The following SMARCA1 variants were observed in gnomAD, a reference collection of about 807,000 sequenced individuals.
SMARCA1 encodes the protein SNF2 related chromatin remodeling ATPase 1.
SMARCA1 carries 17 observed loss-of-function variants against 93.6 expected under a neutral mutation model. That is an observed-to-expected ratio of 0.18 (90% CI 0.12 to 0.27). The LOEUF (loss-of-function observed/expected upper bound fraction) is 0.27, where lower values mean the gene tolerates loss of function less well. SMARCA1 is among the 10% of genes least tolerant of loss of function. The pLI is 1.00. For missense variants in SMARCA1, 630 were observed against 819.0 expected, an observed-to-expected ratio of 0.77 and a Z score of 2.82; for synonymous variants, 271 against 271.4, an observed-to-expected ratio of 1.00 and a Z score of 0.01.
chrX:129,448,514 A>G, intron 23 of SMARCA1, 71 bp from the exon 24 acceptor site: 2 of 936,659 alleles, frequency 2.1e-6, no homozygotes, highest in South Asian at 4.2e-5. Flanking sequence ...ACAACTATTT[A>G]ACTGTATGAT....
intron 19 of SMARCA1, among the ~76,000 whole-genome samples, chrX:129,474,574 C>T (rs570568257): frequency 3.6e-5 from 4 of 112,002 alleles, no homozygotes; most frequent in Non-Finnish European, 5.6e-5. Flanking sequence ...GAATCCACTG[C>T]AATTTATTCT....
At chrX:129,478,948 G>A (rs767441439) in intron 19 of SMARCA1, among the ~76,000 whole-genome samples, 18 of 111,554 alleles carry the variant, frequency 1.6e-4, no homozygotes, top group Admixed American at 1.1e-3. Context: ...GAAACTGGTT[G>A]TGAGACCAGG....
chrX:129,522,433 T>A (rs1447992212), intron 1 of SMARCA1, among the ~76,000 whole-genome samples: 2 of 99,598 alleles, frequency 2.0e-5, no homozygotes, highest in African/African-American at 7.5e-5. Flanking sequence ...GGCCCTGGAG[T>A]GAAACCCTAT....
At chrX:129,501,495 C>T (rs1283156857) in intron 9 of SMARCA1, among the ~76,000 whole-genome samples, 1 of 108,896 alleles carries the variant, frequency 9.2e-6, no homozygotes, top group African/African-American at 3.3e-5. Context: ...GAGGTTTCAC[C>T]ATGTTGCCCA....
intron 20 of SMARCA1, among the ~76,000 whole-genome samples, chrX:129,470,414 A>T (rs1309793483): frequency 9.0e-6 from 1 of 111,017 alleles, no homozygotes; most frequent in Non-Finnish European, 1.9e-5. Flanking sequence ...ATAATAATAA[A>T]AGCTTCAGAA....
intron 17 of SMARCA1, among the ~76,000 whole-genome samples, chrX:129,485,259 T>C (rs765034710): frequency 2.7e-5 from 3 of 112,397 alleles, no homozygotes; most frequent in African/African-American, 9.7e-5. Flanking sequence ...GTGCCCAGGA[T>C]GGGGGAAACA....
chrX:129,457,074 T>C (rs74911532), intron 23 of SMARCA1, among the ~76,000 whole-genome samples: 2 of 111,322 alleles, frequency 1.8e-5, no homozygotes, highest in East Asian at 5.6e-4. Flanking sequence ...TCTGAAGAAA[T>C]TGCCACAGCC....
In SMARCA1 at chrX:129,489,070, T is replaced by C. The variant is rs758713841; in HGVS notation, c.1964A>G (p.Gln655Arg). ...CTCTTTTGCCAGCTTGTTAGACTGT[T>C]GGTCAATGAGTCTTCCTAATGATAA... ...IVIQQGRLID[Q>R]QSNKLAKEEM... The change falls in exon 16 of 25, where the codon CAA (glutamine) becomes CGA (arginine). Residue 655 changes from glutamine to arginine, a missense_variant. This residue lies in a region of SMARCA1 where 382 missense variants were observed against 537.9 expected (regional missense o/e 0.71). Coordinates refer to ENST00000371121, the MANE Select transcript of SMARCA1 (RefSeq NM_001282874.2). 1 of 1,181,203 alleles carries C rather than the reference T, an allele frequency of 8.5e-7. No homozygotes were observed. The highest frequency in any genetic ancestry group is 3.0e-5 in the East Asian group (1 of 33,643).
At chrX:129,490,716 G>C (rs943234543) in intron 14 of SMARCA1, among the ~76,000 whole-genome samples, 2 of 111,205 alleles carry the variant, frequency 1.8e-5, no homozygotes, top group African/African-American at 6.5e-5. Context: ...CGAACTTCTA[G>C]TGGTATAAAA....
chrX:129,464,712 G>C (rs150325139), intron 23 of SMARCA1, among the ~76,000 whole-genome samples: 2 of 112,214 alleles, frequency 1.8e-5, no homozygotes, highest in East Asian at 5.6e-4. Flanking sequence ...AATTACAAAG[G>C]GGAAAACATA....
intron 9 of SMARCA1, among the ~76,000 whole-genome samples, chrX:129,502,849 AAT>A (rs1934619466): frequency 9.0e-6 from 1 of 111,711 alleles, no homozygotes; most frequent in Non-Finnish European, 1.9e-5. Context: ...AAAGATAGAA[AAT>A]ATAGTCAATT....
chrX:129,457,761 T>C (rs1476773434), intron 23 of SMARCA1, among the ~76,000 whole-genome samples: 1 of 112,040 alleles, frequency 8.9e-6, no homozygotes, highest in East Asian at 2.8e-4. Flanking sequence ...TTTCCAAAAA[T>C]TGGTTGTAGG....
rs773042691 is a variant in SMARCA1 at position 129,490,156 on chromosome X, G to A, written c.1852C>T (p.Arg618Cys). 5 of 1,190,375 alleles carry A rather than the reference G, an allele frequency of 4.2e-6. No individual in the cohort carries two copies. Among genetic ancestry groups the A allele is most frequent in the South Asian group, 3.6e-5 (2 of 55,947 alleles). The part of the protein sequence containing the change: ...AHRIGQKKPV[R>C]VFRLITDNTV... The stretch of plus-strand genomic sequence containing the variant: ...TTGTCAGTGATGAGACGGAATACAC[G>A]TACTGGTTTCTTCTGACCAATACGA... The change falls in exon 15 of 25, where the codon CGT becomes TGT. Residue 618 changes from arginine to cysteine, a missense_variant. By Grantham distance (180) the Arg-to-Cys change is radical. Around this residue, in one of 4 missense-constraint regions of SMARCA1, gnomAD observed 382 missense variants for 537.9 expected, o/e 0.71. Coordinates refer to ENST00000371121, the MANE Select transcript of SMARCA1 (RefSeq NM_001282874.2).
At chrX:129,452,034 C>T (rs930485751) in intron 23 of SMARCA1, among the ~76,000 whole-genome samples, 1 of 111,708 alleles carries the variant, frequency 9.0e-6, no homozygotes, top group Admixed American at 9.5e-5. Flanking sequence ...TTCATGACTG[C>T]CTAACGCAAC....
At chrX:129,511,742 G>T in intron 6 of SMARCA1, 62 bp downstream of exon 6, 2 of 918,341 alleles carry the variant, frequency 2.2e-6, no homozygotes, top group Non-Finnish European at 3.0e-6. Context: ...GCAATAATAT[G>T]TAACTAAACT....
Position 129,516,336 on chromosome X carries a change from A to G in SMARCA1, c.423T>C (p.Ala141=), listed in dbSNP as rs149729185. The change falls in exon 3 of 25, where the codon GCT becomes GCC. Residue 141 remains alanine, a synonymous_variant. Coordinates refer to ENST00000371121, the MANE Select transcript of SMARCA1 (RefSeq NM_001282874.2). ...AGAGAGAGGTGCCAACATACTCTCC[A>G]GCAGAAATTAAGCTCTGCTTTTCAT... The part of the protein sequence containing the change: ...KKDEKQSLIS[A]GDYRHRRTEQ... 1.2e-5 allele frequency: 15 copies of G among 1,206,154 alleles called. No individual in the cohort carries two copies. Among genetic ancestry groups the G allele is most frequent in the Non-Finnish European group, 1.7e-5 (15 of 893,165 alleles).
intron 5 of SMARCA1, among the ~76,000 whole-genome samples, chrX:129,512,789 C>T (rs1157875395): frequency 9.0e-6 from 1 of 111,489 alleles, no homozygotes; most frequent in Non-Finnish European, 1.9e-5. Flanking sequence ...TGTTTATACT[C>T]CTTAACCCAG....
At chrX:129,452,442 G>A (rs1026920545) in intron 23 of SMARCA1, among the ~76,000 whole-genome samples, 9 of 112,372 alleles carry the variant, frequency 8.0e-5, no homozygotes, top group African/African-American at 2.3e-4. Flanking sequence ...AATAACAAAC[G>A]GAAAACTGCT....
At chrX:129,482,278 A>G (rs1933713006) in intron 17 of SMARCA1, among the ~76,000 whole-genome samples, 1 of 106,457 alleles carries the variant, frequency 9.4e-6, no homozygotes, top group African/African-American at 3.4e-5. Context: ...ACATGTATAC[A>G]TATGTAACTA....
Sources: gnomAD v4.1 joint callset for allele counts (sites outside exome capture counted in the v4.1 genomes callset) on GRCh38, gnomAD v4.1.1 for gene constraint, gnomAD v4.1.1 regional missense constraint, MANE v1.5 for transcripts, NCBI Gene and HGNC (gene_info 2026-07-23, HGNC 2026-07-21) for gene names.